The following EARS2 variants were observed in gnomAD, a reference collection of about 807,000 sequenced individuals.
The protein encoded by EARS2 is nondiscriminating glutamyl-tRNA synthetase EARS2, mitochondrial.
In EARS2, 50 loss-of-function variants were observed where a neutral mutation model predicts 54.1. That is an observed-to-expected ratio of 0.92 (90% CI 0.74 to 1.17). EARS2 has a LOEUF of 1.17. Ranked by LOEUF, EARS2 falls within the 50% of genes most tolerant of loss-of-function variation. EARS2 has a pLI of 0.00. For synonymous variants in EARS2, 298 were observed against 281.0 expected (o/e 1.06, Z -0.61); for missense variants, 673 against 675.0 (o/e 1.00, Z 0.03).
chr16:23,534,278 A>T (rs1055826128), intron 4 of EARS2, among the ~76,000 whole-genome samples: 50 of 152,204 alleles, frequency 3.3e-4, no homozygotes, highest in Non-Finnish European at 7.3e-5. Context: ...TGTTGTGTTA[A>T]ATGAAATGAG....
intron 5 of EARS2, among the ~76,000 whole-genome samples, chr16:23,531,628 C>A (rs1424537978): frequency 6.6e-6 from 1 of 152,156 alleles, no homozygotes; most frequent in Non-Finnish European, 1.5e-5. Context: ...CAAAATCATA[C>A]AACTGACCTC....
chr16:23,538,403 T>C (rs1252872404), intron 3 of EARS2, among the ~76,000 whole-genome samples: 3 of 152,054 alleles, frequency 2.0e-5, no homozygotes, highest in African/African-American at 7.2e-5. Context: ...CCTCCCAAAG[T>C]GCTGGGATTA....
At chr16:23,551,686 G>A (rs577087154) in intron 2 of EARS2, among the ~76,000 whole-genome samples, 19 of 152,210 alleles carry the variant, frequency 1.2e-4, no homozygotes, top group South Asian at 8.3e-4. Flanking sequence ...TTGGGAGGTC[G>A]AGGCAGGTGG....
At chr16:23,553,351 C>T (rs1965726530) in intron 1 of EARS2, among the ~76,000 whole-genome samples, 1 of 152,078 alleles carries the variant, frequency 6.6e-6, no homozygotes, top group South Asian at 2.1e-4. Flanking sequence ...GAAAGAGAAG[C>T]AGAGAGTTAT....
chr16:23,556,781 T>A (rs775779552), intron 1 of EARS2: 3 of 424,916 alleles, frequency 7.1e-6, no homozygotes, highest in Non-Finnish European at 1.4e-5. Context: ...CAGTCTCCTA[T>A]CCTGTTTCAC....
chr16:23,525,111 T>TA, intron 8 of EARS2, 133 bp downstream of exon 8: 1 of 1,231,644 alleles, frequency 8.1e-7, no homozygotes, highest in African/African-American at 1.5e-5. Flanking sequence ...GTTGATTGAC[T>TA]AAATGAGGGG....
intron 2 of EARS2, among the ~76,000 whole-genome samples, chr16:23,548,956 G>A (rs904919984): frequency 3.9e-5 from 6 of 152,068 alleles, no homozygotes; most frequent in South Asian, 2.1e-4. Context: ...GTCCCCTCTC[G>A]CAGTGGAGAG....
intron 3 of EARS2, among the ~76,000 whole-genome samples, chr16:23,543,117 C>CAGA (rs1965542157): frequency 1.4e-5 from 1 of 71,994 alleles, no homozygotes; most frequent in African/African-American, 6.6e-5. Flanking sequence ...TCTGTCTCAC[C>CAGA]AAAAAAAAAA....
intron 8 of EARS2, among the ~76,000 whole-genome samples, 172 bp from the exon 9 acceptor site, chr16:23,524,626 T>C (rs1965193509): frequency 6.6e-6 from 1 of 151,492 alleles, no homozygotes; most frequent in East Asian, 1.9e-4. Context: ...TAAGAGCCTG[T>C]TTCTCCTCCA....
chr16:23,542,334 T>TTTG, intron 3 of EARS2, among the ~76,000 whole-genome samples: 1 of 143,016 alleles, frequency 7.0e-6, no homozygotes, highest in Middle Eastern at 3.6e-3. Context: ...TTTTTTTTTT[T>TTTG]TTTGAGACAG....
rs201848368 is a variant in EARS2, at chr16:23,552,200, G to A, written c.244C>T (p.Arg82Cys). Residue 82 changes from arginine (R) to cysteine (C), a missense_variant, in exon 2 of 9, where the codon CGC (arginine) becomes TGC (cysteine). Coordinates refer to ENST00000449606, the MANE Select transcript of EARS2 (RefSeq NM_001083614.2). ...ILRLEDTDQT[R>C]VVPGAAENIE... Reference sequence around the variant, plus strand: ...TTCTCCGCTGCCCCAGGCACAACGCGAGTCTGATCTGTGTCCTCTAGCCTC... The same window carrying A: ...TTCTCCGCTGCCCCAGGCACAACGCAAGTCTGATCTGTGTCCTCTAGCCTC... 2.7e-5 allele frequency: 43 copies of A among 1,614,028 alleles called. No homozygotes were observed. Among genetic ancestry groups the A allele is most frequent in the Admixed American group, 1.0e-4 (6 of 59,998 alleles).
chr16:23,555,950 A>C (rs1388000311), intron 1 of EARS2, among the ~76,000 whole-genome samples: 1 of 152,244 alleles, frequency 6.6e-6, no homozygotes, highest in Non-Finnish European at 1.5e-5. Flanking sequence ...AAATAAAATG[A>C]GATTGGTTTG....
intron 2 of EARS2, chr16:23,545,202 T>G (rs2142185905): frequency 6.5e-6 from 1 of 153,934 alleles, no homozygotes; most frequent in Admixed American, 6.4e-5. Context: ...CAAAGTCGCA[T>G]GGGCTCATGG....
chr16:23,527,811 A>C (rs2106457), intron 7 of EARS2, among the ~76,000 whole-genome samples: 127,141 of 152,060 alleles, frequency 0.84, 53,285 homozygotes, highest in Middle Eastern at 0.9. Flanking sequence ...CCTGGGCCTC[A>C]CAAAGTGCTG....
chr16:23,534,403 T>C (rs1965378206), intron 4 of EARS2, among the ~76,000 whole-genome samples: 1 of 152,250 alleles, frequency 6.6e-6, no homozygotes, highest in African/African-American at 2.4e-5. Flanking sequence ...AGTGCTCAGC[T>C]TGAAATAAAC....
Position 23,529,502 on chromosome 16 carries a change from C to T in EARS2, c.1352G>A (p.Gly451Glu), listed in dbSNP as rs201181229. ...KVDVIAKRVLGLLERSSMSLT... is the reference protein window; with the variant it reads ...KVDVIAKRVLELLERSSMSLT... ...CTGAGCTCAGCCTGCGGGTACTCAC[C>T]CCAGCACACGCTTGGCAATCACATC... Residue 451 changes from glycine to glutamate, a missense_variant and splice_region_variant, in exon 7 of 9, where the codon GGG becomes GAG. By Grantham distance (98) the Gly-to-Glu change is moderately conservative. This residue lies in a region of EARS2 where 338 missense variants were observed against 361.2 expected (regional missense o/e 0.94). Coordinates refer to ENST00000449606, the MANE Select transcript of EARS2 (RefSeq NM_001083614.2). 6.2e-7 allele frequency: 1 copy of T among 1,613,440 alleles called. No homozygotes were observed. The highest frequency in any genetic ancestry group is 8.5e-7 in the Non-Finnish European group (1 of 1,179,672).
chr16:23,525,030 G>A lies in EARS2; in HGVS notation c.1488+214C>T, dbSNP rs1275445766. 1.3e-5 allele frequency: 8 copies of A among 634,778 alleles called. No individual in the cohort carries two copies. In the Admixed American group the frequency reaches 2.1e-4, roughly 17 times the overall value. 39.3% of individuals were successfully genotyped at this position (634,778 alleles called of 1,614,324 possible). ...CCATGGAGGCAGAGATTATGTATGT[G>A]TGTTTAATTCTATATTGTATTCACT... On this transcript the variant is annotated intron_variant, in intron 8 of 8. Coordinates refer to ENST00000449606, the MANE Select transcript of EARS2 (RefSeq NM_001083614.2).
At chr16:23,542,579 G>A (rs1429745193) in intron 3 of EARS2, among the ~76,000 whole-genome samples, 2 of 151,892 alleles carry the variant, frequency 1.3e-5, no homozygotes, top group East Asian at 3.9e-4. Flanking sequence ...CTCCCAAAGT[G>A]CTGGGATTAC....
intron 3 of EARS2, among the ~76,000 whole-genome samples, chr16:23,543,857 T>C (rs1208102299): frequency 6.6e-6 from 1 of 152,140 alleles, no homozygotes; most frequent in Non-Finnish European, 1.5e-5. Context: ...TAGTCAAAAC[T>C]TTGTTTCGTG....
Sources: gnomAD v4.1 joint callset for allele counts (sites outside exome capture counted in the v4.1 genomes callset) on GRCh38, gnomAD v4.1.1 for gene constraint, gnomAD v4.1.1 regional missense constraint, MANE v1.5 for transcripts, NCBI Gene and HGNC (gene_info 2026-07-23, HGNC 2026-07-21) for gene names.